PRKCE: variants seen among roughly 807,000 people sequenced by gnomAD.
The protein encoded by PRKCE is protein kinase C epsilon, also known as protein kinase C epsilon type.
A neutral mutation model predicts 85.4 loss-of-function variants in PRKCE; 16 were observed. The observed-to-expected ratio is 0.19, with a 90% CI of 0.13 to 0.28. PRKCE has a LOEUF of 0.28. PRKCE is among the 10% of genes least tolerant of loss of function. The pLI is 1.00. For synonymous variants in PRKCE, 388 were observed against 371.5 expected (o/e 1.04, Z -0.51); for missense variants, 573 against 975.2 (o/e 0.59, Z 5.49).
chr2:45,926,425 C>G (rs566996461), intron 2 of PRKCE, among the ~76,000 whole-genome samples: 2 of 152,280 alleles, frequency 1.3e-5, no homozygotes, highest in East Asian at 3.9e-4. Context: ...GAGTCCCCCC[C>G]ATCCTCAGGA....
intron 2 of PRKCE, among the ~76,000 whole-genome samples, chr2:45,873,104 T>C (rs1479648892): frequency 6.6e-6 from 1 of 152,172 alleles, no homozygotes; most frequent in African/African-American, 2.4e-5. Flanking sequence ...TTTAGAGTGT[T>C]TTAAACTGGA....
At chr2:45,684,134 A>G (rs1677106275) in intron 1 of PRKCE, among the ~76,000 whole-genome samples, 1 of 152,220 alleles carries the variant, frequency 6.6e-6, no homozygotes, top group Non-Finnish European at 1.5e-5. Flanking sequence ...CTGTGCATTC[A>G]GAGAGGTGAT....
chr2:45,908,776 G>C (rs114650135), intron 2 of PRKCE, among the ~76,000 whole-genome samples: 1 of 152,152 alleles, frequency 6.6e-6, no homozygotes, highest in South Asian at 2.1e-4. Context: ...GGATCTCTCC[G>C]GGAGAATGTT....
chr2:45,886,791 T>G (rs1286611200), intron 2 of PRKCE, among the ~76,000 whole-genome samples: 2 of 152,262 alleles, frequency 1.3e-5, no homozygotes, highest in South Asian at 2.1e-4. Flanking sequence ...TATTAAAGAC[T>G]TAGAAAGTGC....
chr2:45,964,588 A>T (rs1701610742), intron 2 of PRKCE, among the ~76,000 whole-genome samples: 1 of 152,216 alleles, frequency 6.6e-6, no homozygotes, highest in Non-Finnish European at 1.5e-5. Flanking sequence ...CATGACTGTA[A>T]TATGTAACTG....
intron 2 of PRKCE, among the ~76,000 whole-genome samples, chr2:45,870,112 C>T (rs886639466): frequency 6.6e-6 from 1 of 152,194 alleles, no homozygotes; most frequent in Non-Finnish European, 1.5e-5. Flanking sequence ...TTTGCCTTCC[C>T]ATCAGGCCCA....
At chr2:45,750,464 G>C (rs902900685) in intron 1 of PRKCE, among the ~76,000 whole-genome samples, 1 of 152,162 alleles carries the variant, frequency 6.6e-6, no homozygotes, top group Admixed American at 6.5e-5. Flanking sequence ...CATTGCCTTG[G>C]TGTAGAGCTG....
chr2:46,033,131 G>A (rs1707642283), intron 10 of PRKCE, among the ~76,000 whole-genome samples: 1 of 152,212 alleles, frequency 6.6e-6, no homozygotes, highest in Non-Finnish European at 1.5e-5. Flanking sequence ...TATTTACAAA[G>A]ATCAGTCATT....
chr2:45,949,942 TG>T (rs1700515000), intron 2 of PRKCE, among the ~76,000 whole-genome samples: 1 of 152,168 alleles, frequency 6.6e-6, no homozygotes, highest in Non-Finnish European at 1.5e-5. Context: ...TCAAATTTTT[TG>T]TTGCTTTTTT....
At chr2:46,106,555 G>A (rs12712970) in intron 11 of PRKCE, among the ~76,000 whole-genome samples, 107,641 of 152,138 alleles carry the variant, frequency 0.71, 39,317 homozygotes, top group East Asian at 0.94. Context: ...CAAGGTACCA[G>A]CAAATTCCAA....
intron 2 of PRKCE, among the ~76,000 whole-genome samples, chr2:45,954,170 G>A (rs1224992403): frequency 6.6e-6 from 1 of 152,220 alleles, no homozygotes; most frequent in Non-Finnish European, 1.5e-5. Context: ...TGTGGCCCTA[G>A]TGAATCTTGG....
At chr2:45,831,481 G>A (rs1573530533) in intron 1 of PRKCE, among the ~76,000 whole-genome samples, 1 of 152,158 alleles carries the variant, frequency 6.6e-6, no homozygotes, top group African/African-American at 2.4e-5. Flanking sequence ...AGGGTCAAGG[G>A]ATATATTCTC....
chr2:45,917,956 C>T (rs931387609), intron 2 of PRKCE, among the ~76,000 whole-genome samples: 3 of 152,188 alleles, frequency 2.0e-5, no homozygotes, highest in Admixed American at 6.5e-5. Flanking sequence ...GGCCGGCGGC[C>T]GGCTGCTCCG....
At chr2:46,101,514 G>C (rs1411206626) in intron 11 of PRKCE, among the ~76,000 whole-genome samples, 2 of 152,166 alleles carry the variant, frequency 1.3e-5, no homozygotes, top group South Asian at 4.1e-4. Flanking sequence ...TGGCTCTACA[G>C]AATTTGTATA....
chr2:46,139,082 G>T lies in PRKCE; in HGVS notation c.1593-6011G>T, dbSNP rs1342950723. Among the ~76,000 whole-genome samples the T allele has an allele frequency of 6.6e-6, 1 of 152,172 alleles. No individual in the cohort carries two copies. Among genetic ancestry groups the T allele is most frequent in the Non-Finnish European group, 1.5e-5 (1 of 68,036 alleles). On this transcript the variant is annotated intron_variant, in intron 11 of 14. Coordinates refer to ENST00000306156, the MANE Select transcript of PRKCE (RefSeq NM_005400.3). The surrounding 1 kb of genome is among the most constrained non-coding windows in gnomAD (Gnocchi z 5.2). The stretch of plus-strand genomic sequence containing the variant: ...ACAAGGGCTATCGCAAAGGCATTCA[G>T]GCTGAGGGGGAAATGCTAGGAGTGG...
chr2:45,728,476 A>G (rs185781668), intron 1 of PRKCE, among the ~76,000 whole-genome samples: 218 of 152,286 alleles, frequency 1.4e-3, no homozygotes, highest in African/African-American at 4.7e-3. Context: ...CACTCTTCAC[A>G]GTATCCTCTT....
intron 2 of PRKCE, among the ~76,000 whole-genome samples, chr2:45,869,870 G>T (rs1168921416): frequency 6.6e-6 from 1 of 151,890 alleles, no homozygotes; most frequent in Non-Finnish European, 1.5e-5. Flanking sequence ...ACCACGCCCA[G>T]CTAATTGTTG....
At chr2:46,152,515 T>C (rs1051241069) in intron 13 of PRKCE, among the ~76,000 whole-genome samples, 9 of 151,854 alleles carry the variant, frequency 5.9e-5, no homozygotes, top group African/African-American at 1.9e-4. Flanking sequence ...ACCATTATCG[T>C]AGGTAGAAAA....
In PRKCE at chr2:46,041,703, CCT is replaced by C. The variant is rs1265663350; in HGVS notation, c.1437+31190_1437+31191del. 6.6e-6 allele frequency among the ~76,000 whole-genome samples: 1 copy of C among 152,166 alleles called. No individual in the cohort carries two copies. The highest frequency in any genetic ancestry group is 1.5e-5 in the Non-Finnish European group (1 of 68,022). On this transcript the variant is annotated intron_variant, in intron 10 of 14. Transcript: ENST00000306156. This position sits in a 1 kb window ranked among gnomAD's most constrained non-coding sequence, Gnocchi z 5.5. ...GTACTGAAGTGTTTCCTTGTGAATA[CCT>C]CTCCATATGCGTCATGACAAAATAC...
Sources: gnomAD v4.1 joint callset for allele counts (sites outside exome capture counted in the v4.1 genomes callset) on GRCh38, gnomAD v4.1.1 for gene constraint, Gnocchi (gnomAD v3.1) non-coding constraint, MANE v1.5 for transcripts, NCBI Gene and HGNC (gene_info 2026-07-23, HGNC 2026-07-21) for gene names.